PXDNL: variants seen among roughly 807,000 people sequenced by gnomAD.
The protein encoded by PXDNL is peroxidasin like.
PXDNL carries 145 observed loss-of-function variants against 150.8 expected under a neutral mutation model. That is an observed-to-expected ratio of 0.96 (90% CI 0.84 to 1.10). The LOEUF is 1.10. Ranked by LOEUF, PXDNL falls within the 50% of genes least tolerant of loss-of-function variation. The pLI is 0.00. For missense variants in PXDNL, 2,087 were observed against 1,873.9 expected, an observed-to-expected ratio of 1.11 and a Z score of -2.10; for synonymous variants, 757 against 725.7, an observed-to-expected ratio of 1.04 and a Z score of -0.69.
intron 19 of PXDNL, among the ~76,000 whole-genome samples, chr8:51,361,349 A>C (rs970829040): frequency 5.9e-5 from 9 of 152,170 alleles, no homozygotes; most frequent in Admixed American, 5.9e-4. Context: ...AGCTTTTGCA[A>C]ATTCACAGGG....
At chr8:51,491,032 G>A (rs753278450) in intron 5 of PXDNL, among the ~76,000 whole-genome samples, 8 of 152,072 alleles carry the variant, frequency 5.3e-5, no homozygotes, top group South Asian at 4.2e-4. Context: ...ATCAGCTGCC[G>A]GCGTGGCCAG....
intron 2 of PXDNL, among the ~76,000 whole-genome samples, chr8:51,644,318 T>TATATA (rs1814852884): frequency 3.2e-5 from 2 of 63,270 alleles, no homozygotes; most frequent in Non-Finnish European, 8.3e-5. Flanking sequence ...AGGCACATTT[T>TATATA]TACATATATA....
At chr8:51,511,965 G>A (rs1811430604) in intron 4 of PXDNL, among the ~76,000 whole-genome samples, 1 of 152,158 alleles carries the variant, frequency 6.6e-6, no homozygotes, top group South Asian at 2.1e-4. Context: ...GACTTCAGTT[G>A]AATTTTTAAA....
chr8:51,339,776 A>G (rs764247710), intron 20 of PXDNL, 23 bp from the exon 21 acceptor site: 2 of 1,572,150 alleles, frequency 1.3e-6, no homozygotes, highest in Non-Finnish European at 1.7e-6. Flanking sequence ...AGAAGCAAAT[A>G]AAATGCTGAA....
At chr8:51,562,258 T>C (rs1335706990) in intron 3 of PXDNL, among the ~76,000 whole-genome samples, 3 of 151,890 alleles carry the variant, frequency 2.0e-5, no homozygotes, top group Non-Finnish European at 4.4e-5. Context: ...TTTATAAAAA[T>C]GATATTTAGT....
intron 1 of PXDNL, among the ~76,000 whole-genome samples, chr8:51,685,349 A>G (rs978846860): frequency 2.6e-5 from 4 of 152,224 alleles, no homozygotes; most frequent in Non-Finnish European, 5.9e-5. Flanking sequence ...GTTGTCTAAC[A>G]GGCCATGCCT....
chr8:51,584,521 A>G (rs1813281210), intron 3 of PXDNL, among the ~76,000 whole-genome samples: 1 of 152,226 alleles, frequency 6.6e-6, no homozygotes, highest in Admixed American at 6.5e-5. Flanking sequence ...CTGACAATGT[A>G]CATCTCTAAT....
Position 51,408,746 on chromosome 8 carries a change from G to C in PXDNL, c.2878C>G (p.Arg960Gly), listed in dbSNP as rs530157445. ...ESPCFLAGDH[R>G]ANEHLALAAM... ...GCCAGAGCCAGATGCTCGTTGGCCC[G>C]GTGGTCCCCGGCCAGGAAACAGGGG... Residue 960 changes from arginine to glycine, a missense_variant, in exon 17 of 23, where the codon CGG becomes GGG. Transcript: ENST00000356297. 2.8e-5 allele frequency: 44 copies of C among 1,585,068 alleles called. 1 individual carries two copies. In the East Asian group the frequency reaches 8.9e-4, roughly 32 times the overall value.
At chr8:51,531,924 C>T (rs1811915496) in intron 4 of PXDNL, among the ~76,000 whole-genome samples, 1 of 152,246 alleles carries the variant, frequency 6.6e-6, no homozygotes, top group African/African-American at 2.4e-5. Context: ...TCATCATCCA[C>T]ATTCAGTTGC....
At chr8:51,595,831 A>G (rs111804156) in intron 2 of PXDNL, among the ~76,000 whole-genome samples, 3,784 of 67,722 alleles carry the variant, frequency 0.056, 145 homozygotes, top group African/African-American at 0.39. Flanking sequence ...AAACTGTAGG[A>G]AAAAAAAAGA....
In PXDNL at chr8:51,371,919, G is replaced by A. The variant is rs772340788; in HGVS notation, c.3855C>T (p.Ser1285=). The part of the protein sequence containing the change: ...AEYPQDYLNC[S]EIPKVDLRVW... ...CTCGCAGGTCCACCTTCGGGATCTC[G>A]CTGCAGTTCAGGTAATCCTGTGGGT... Residue 1285 remains serine (S), a synonymous_variant, in exon 19 of 23, where the codon AGC becomes AGT. Transcript: ENST00000356297. 12 of 1,613,794 alleles carry A rather than the reference G, an allele frequency of 7.4e-6. No homozygotes were observed. The highest frequency in any genetic ancestry group is 1.1e-5 in the South Asian group (1 of 91,062).
rs188201728 is a variant in PXDNL, at chr8:51,542,346, T to G, written c.380+14494A>C. On this transcript the variant is annotated intron_variant, in intron 4 of 22. Coordinates refer to ENST00000356297, the MANE Select transcript of PXDNL (RefSeq NM_144651.5). ...TAGACAAAAGCAAGTTTATTGAATA[T>G]TATGGACTGAATGTTTATGTTCCAT... 5.3e-5 allele frequency among the ~76,000 whole-genome samples: 8 copies of G among 152,218 alleles called. No individual in the cohort carries two copies. The South Asian group carries it at 8.3e-4, about 16-fold the overall frequency.
At chr8:51,635,947 T>A (rs1364726306) in intron 2 of PXDNL, among the ~76,000 whole-genome samples, 1 of 152,038 alleles carries the variant, frequency 6.6e-6, no homozygotes, top group Non-Finnish European at 1.5e-5. Flanking sequence ...GATGCAAAAA[T>A]TGTTCAACAA....
chr8:51,409,742 T>C (rs1808574939), intron 16 of PXDNL, among the ~76,000 whole-genome samples, 181 bp from the exon 17 acceptor site: 1 of 143,578 alleles, frequency 7.0e-6, no homozygotes, highest in Non-Finnish European at 1.5e-5. Context: ...TCTATAACAC[T>C]AAAAGATGTT....
At chr8:51,668,654 T>G (rs1193602319) in intron 1 of PXDNL, among the ~76,000 whole-genome samples, 1 of 152,206 alleles carries the variant, frequency 6.6e-6, no homozygotes, top group Non-Finnish European at 1.5e-5. Context: ...ATAATTCATA[T>G]CACAGAATAT....
In PXDNL at chr8:51,379,357, CT is replaced by C. The variant is rs530122368; in HGVS notation, c.3558-4627del. Reference sequence around the variant, plus strand: ...TCCTAGGGCTAACCTGAAAATATGTCTTTTTCAAAAAATTTTTGGTAATCTG... The same window carrying C: ...TCCTAGGGCTAACCTGAAAATATGTCTTTTCAAAAAATTTTTGGTAATCTG... On this transcript the variant is annotated intron_variant, in intron 17 of 22. Transcript: ENST00000356297. 1.6e-3 allele frequency among the ~76,000 whole-genome samples: 247 copies of C among 152,130 alleles called. 1 individual carries two copies. Among genetic ancestry groups the C allele is most frequent in the African/African-American group, 5.4e-3 (225 of 41,518 alleles).
intron 1 of PXDNL, among the ~76,000 whole-genome samples, chr8:51,769,024 C>T (rs2037261844): frequency 6.6e-6 from 1 of 152,218 alleles, no homozygotes; most frequent in Admixed American, 6.5e-5. Context: ...ATGGCGTGAA[C>T]CCGGGAGGCA....
intron 8 of PXDNL, among the ~76,000 whole-genome samples, chr8:51,468,949 T>A (rs1041453449): frequency 1.3e-5 from 2 of 152,030 alleles, no homozygotes; most frequent in African/African-American, 4.8e-5. Context: ...ATCAACATGT[T>A]TAAAACTTTC....
intron 1 of PXDNL, among the ~76,000 whole-genome samples, chr8:51,777,908 A>G (rs989074612): frequency 2.0e-5 from 3 of 152,170 alleles, no homozygotes; most frequent in Non-Finnish European, 2.9e-5. Flanking sequence ...CATCTCAAAA[A>G]CAAAACAAAA....
Sources: gnomAD v4.1 joint callset for allele counts (sites outside exome capture counted in the v4.1 genomes callset) on GRCh38, gnomAD v4.1.1 for gene constraint, MANE v1.5 for transcripts, NCBI Gene and HGNC (gene_info 2026-07-23, HGNC 2026-07-21) for gene names.